SLC16A13: variants seen among roughly 807,000 people sequenced by gnomAD.
SLC16A13 encodes the protein monocarboxylate transporter 13.
SLC16A13 carries 28 observed loss-of-function variants against 28.1 expected under a neutral mutation model. The ratio of observed to expected loss-of-function variants is 1.00; its 90% CI spans 0.74 to 1.37. The LOEUF is 1.37. SLC16A13 is among the 40% of genes most tolerant of loss of function. The pLI is 0.00. For synonymous variants in SLC16A13, 228 were observed against 241.6 expected (o/e 0.94, Z 0.52); for missense variants, 482 against 531.8 (o/e 0.91, Z 0.92).
chr17:7,038,671 C>CAAGTGA lies in SLC16A13; in HGVS notation c.863_864insAAGTGA (p.Thr288_Thr289insSerAsp). The CAAGTGA allele has an allele frequency of 6.2e-7, 1 of 1,614,208 alleles. No homozygotes were observed. Among genetic ancestry groups the CAAGTGA allele is most frequent in the Non-Finnish European group, 8.5e-7 (1 of 1,180,038 alleles). On this transcript the variant is annotated inframe_insertion, in exon 3 of 4. Coordinates refer to ENST00000308027, the MANE Select transcript of SLC16A13 (RefSeq NM_201566.3). This position sits in a 1 kb window ranked among gnomAD's most constrained non-coding sequence, Gnocchi z 5.7. The stretch of plus-strand genomic sequence containing the variant: ...GTGACACGACTCCTGATGCTCTGGA[C>CAAGTGA]CACCTTGACTGGGGTGTCACTAGCC...
chr17:7,039,978 G>A lies in SLC16A13; in HGVS notation c.*16G>A, dbSNP rs373121906. 5.0e-6 allele frequency: 8 copies of A among 1,608,156 alleles called. No homozygotes were observed. Among genetic ancestry groups the A allele is most frequent in the East Asian group, 2.2e-5 (1 of 44,806 alleles). ...AGAGGACTGAACTCCACAGAGTCAG[G>A]CCCAGAAAGCCAAAGCTTGACAGCT... is the stretch of plus-strand genomic sequence containing the variant. On this transcript the variant is annotated 3_prime_UTR_variant, in exon 4 of 4. Coordinates refer to ENST00000308027, the MANE Select transcript of SLC16A13 (RefSeq NM_201566.3). This position sits in a 1 kb window ranked among gnomAD's most constrained non-coding sequence, Gnocchi z 4.3.
Position 7,038,909 on chromosome 17 carries a change from C to T in SLC16A13, c.1081+20C>T, listed in dbSNP as rs1181029126. The T allele has an allele frequency of 6.3e-7, 1 of 1,586,530 alleles. No individual in the cohort carries two copies. The highest frequency in any genetic ancestry group is 2.2e-5 in the East Asian group (1 of 44,760). ...TCTCAGGTAAGTGGAATGGGGTTCC[C>T]AGGGGGTGAGGGCTGCCATGTTGCA... On this transcript the variant is annotated intron_variant, in intron 3 of 3. Coordinates refer to ENST00000308027, the MANE Select transcript of SLC16A13 (RefSeq NM_201566.3). This position sits in a 1 kb window ranked among gnomAD's most constrained non-coding sequence, Gnocchi z 5.7.
chr17:7,038,088 C>T lies in SLC16A13; in HGVS notation c.344-64C>T, dbSNP rs1366075249. On this transcript the variant is annotated intron_variant, in intron 2 of 3. Coordinates refer to ENST00000308027, the MANE Select transcript of SLC16A13 (RefSeq NM_201566.3). The surrounding 1 kb of genome is among the most constrained non-coding windows in gnomAD (Gnocchi z 5.7). ...TGCTACATTCTGCTGCTGGGCAATG[C>T]GGGGATTACTGTGTGCCTTGAGCTC... The T allele has an allele frequency of 5.9e-6, 9 of 1,533,960 alleles. No homozygotes were observed. Among genetic ancestry groups the T allele is most frequent in the African/African-American group, 2.7e-5 (2 of 72,872 alleles).
In SLC16A13 at chr17:7,039,709, T is replaced by G; in HGVS notation, c.1082-54T>G. On this transcript the variant is annotated intron_variant, in intron 3 of 3. Transcript: ENST00000308027. This position sits in a 1 kb window ranked among gnomAD's most constrained non-coding sequence, Gnocchi z 4.3. The stretch of plus-strand genomic sequence containing the variant: ...TCCACCCAAAAATGTATCTGAGCCC[T>G]CAGCCCCAGCAAATAGATCACTCAT... 1 of 1,593,658 alleles carries G rather than the reference T, an allele frequency of 6.3e-7. No homozygotes were observed. Among genetic ancestry groups the G allele is most frequent in the South Asian group, 1.1e-5 (1 of 90,516 alleles).
Position 7,039,792 on chromosome 17 carries a change from A to G in SLC16A13, c.1111A>G (p.Thr371Ala), listed in dbSNP as rs1597345620. ...CCTCCGGGATGTGACAGGCAACTAC[A>G]CGGCTTCTTTTGTGGTGGCTGGGGC... is the stretch of plus-strand genomic sequence containing the variant. ...GYLRDVTGNY[T>A]ASFVVAGAFL... is the part of the protein sequence containing the mutation. The change falls in exon 4 of 4, where the codon ACG becomes GCG. Residue 371 changes from threonine to alanine, a missense_variant. Coordinates refer to ENST00000308027, the MANE Select transcript of SLC16A13 (RefSeq NM_201566.3). The surrounding 1 kb of genome is among the most constrained non-coding windows in gnomAD (Gnocchi z 4.3). The G allele has an allele frequency of 6.2e-7, 1 of 1,614,134 alleles. No homozygotes were observed. The highest frequency in any genetic ancestry group is 1.1e-5 in the South Asian group (1 of 91,084).
At position 7,039,924 on chromosome 17, in the gene SLC16A13, A is replaced by G; in HGVS notation, c.1243A>G (p.Lys415Glu). 2 of 1,614,028 alleles carry G rather than the reference A, an allele frequency of 1.2e-6. No homozygotes were observed. Among genetic ancestry groups the G allele is most frequent in the African/African-American group, 1.3e-5 (1 of 75,020 alleles). The change falls in exon 4 of 4, where the codon AAA (lysine) becomes GAA (glutamate). Residue 415 changes from lysine to glutamate, a missense_variant. Lys to Glu is a moderately conservative substitution (Grantham distance 56). Transcript: ENST00000308027. This position sits in a 1 kb window ranked among gnomAD's most constrained non-coding sequence, Gnocchi z 4.3. Reference sequence around the variant, plus strand: ...CCTTGTAACAGAAGCACTAGATACTAAAGTTCCCCTACCCAAGGAGGGGCT... The same window carrying G: ...CCTTGTAACAGAAGCACTAGATACTGAAGTTCCCCTACCCAAGGAGGGGCT... ...QDLVTEALDT[K>E]VPLPKEGLEE...
At chr17:7,037,074 G>A (rs312457) in intron 2 of SLC16A13, 595,378 of 614,950 alleles carry the variant, frequency 0.97, 289,191 homozygotes, top group South Asian at 1. Flanking sequence ...AAACCTGGCC[G>A]GGCACGGTGG....
rs1910573026 is a variant in SLC16A13, at chr17:7,036,158, T to C, written c.-225T>C. On this transcript the variant is annotated 5_prime_UTR_variant, in exon 1 of 4. Transcript: ENST00000308027. ...TCGCGGAACCACGCCCCCGGGAGAC[T>C]CTGGCCCGGCCAGCGCGGGCCAGGT... 2.0e-6 allele frequency: 1 copy of C among 495,464 alleles called. No homozygotes were observed. 30.7% of individuals were successfully genotyped at this position (495,464 alleles called of 1,614,324 possible). A position where few individuals can be genotyped will look rare whatever the true frequency, so the allele number is the denominator to read the frequency against.
Position 7,036,620 on chromosome 17 carries a change from G to A in SLC16A13, c.199+39G>A, listed in dbSNP as rs763216055. On this transcript the variant is annotated intron_variant, in intron 1 of 3. Transcript: ENST00000308027. ...CTGGATCTGGCGGACTGCGACCCTCGGAAGGGAGAGGGAATGCGGCGACTG... is the reference window on the plus strand; with the variant it reads ...CTGGATCTGGCGGACTGCGACCCTCAGAAGGGAGAGGGAATGCGGCGACTG... 3 of 1,610,992 alleles carry A rather than the reference G, an allele frequency of 1.9e-6. No homozygotes were observed. The African/African-American group carries it at 4.0e-5, about 22-fold the overall frequency.
rs373765808 is a variant in SLC16A13, at chr17:7,038,157, G to A, written c.349G>A (p.Gly117Ser). 27 of 1,611,104 alleles carry A rather than the reference G, an allele frequency of 1.7e-5. No homozygotes were observed. The highest frequency in any genetic ancestry group is 2.3e-5 in the Non-Finnish European group (27 of 1,178,556). The change falls in exon 3 of 4, where the codon GGC becomes AGC. Residue 117 changes from glycine (G) to serine (S), a missense_variant. Physicochemically the swap from Gly to Ser is moderately conservative, Grantham distance 56. Coordinates refer to ENST00000308027, the MANE Select transcript of SLC16A13 (RefSeq NM_201566.3). This position sits in a 1 kb window ranked among gnomAD's most constrained non-coding sequence, Gnocchi z 5.7. ...YLSIGLLSGS[G>S]WALTFAPTLA... ...CACTTCTTCCTTTTTGACAGGCTCT[G>A]GCTGGGCTTTGACCTTCGCTCCGAC...
chr17:7,036,582 G>A lies in SLC16A13; in HGVS notation c.199+1G>A, dbSNP rs774197308. 4 of 1,612,390 alleles carry A rather than the reference G, an allele frequency of 2.5e-6. No homozygotes were observed. In the East Asian group the frequency reaches 6.7e-5, roughly 27 times the overall value. On this transcript the variant is annotated splice_donor_variant, in intron 1 of 3. Coordinates refer to ENST00000308027, the MANE Select transcript of SLC16A13 (RefSeq NM_201566.3). LOFTEE classifies it high-confidence loss of function. The stretch of plus-strand genomic sequence containing the variant: ...GGAATCGCGGTGCAGCAGTTTGGGA[G>A]TGAGTGCGGCGCCTGGATCTGGCGG...
At chr17:7,037,027 C>G (rs1910599218) in intron 2 of SLC16A13, 157 bp downstream of exon 2, 1 of 932,138 alleles carries the variant, frequency 1.1e-6, no homozygotes, top group African/African-American at 1.7e-5. Context: ...ACTAAAGCGA[C>G]AAACATGGTG....
At chr17:7,037,183 CTACAAAAA>C (rs1443208347) in intron 2 of SLC16A13, 1 of 190,732 alleles carries the variant, frequency 5.2e-6, no homozygotes, top group African/African-American at 2.5e-5. Flanking sequence ...AACCCCGTCT[CTACAAAAA>C]TACAAAAATT....
rs1306635257 is a variant in SLC16A13, at chr17:7,036,823, T to C, written c.296T>C (p.Phe99Ser). 4 of 1,613,876 alleles carry C rather than the reference T, an allele frequency of 2.5e-6. No individual in the cohort carries two copies. The highest frequency in any genetic ancestry group is 1.6e-4 in the Middle Eastern group (1 of 6,062). ...LAALGMLLAS[F>S]ATSLTHLYLS... ...GCGCTGGGGATGCTGCTCGCCTCTT[T>C]TGCTACTTCCTTGACCCACCTATAC... The change falls in exon 2 of 4, where the codon TTT (phenylalanine) becomes TCT (serine). Residue 99 changes from phenylalanine to serine, a missense_variant. By Grantham distance (155) the Phe-to-Ser change is radical (BLOSUM62 -2). Coordinates refer to ENST00000308027, the MANE Select transcript of SLC16A13 (RefSeq NM_201566.3).
chr17:7,038,054 C>A lies in SLC16A13; in HGVS notation c.344-98C>A. 1 of 1,418,694 alleles carries A rather than the reference C, an allele frequency of 7.0e-7. No homozygotes were observed. The highest frequency in any genetic ancestry group is 9.5e-7 in the Non-Finnish European group (1 of 1,049,850). The allele number at this position is 1,418,694 out of a possible 1,614,324, so 87.9% of individuals were successfully genotyped here. A position where few individuals can be genotyped will look rare whatever the true frequency, so the allele number is the denominator to read the frequency against. ...ATTGTATCCCAGGTCTGTGGGACTC[C>A]GAAGCAAGTGCTACATTCTGCTGCT... is the stretch of plus-strand genomic sequence containing the variant. On this transcript the variant is annotated intron_variant, in intron 2 of 3. Transcript: ENST00000308027. This position sits in a 1 kb window ranked among gnomAD's most constrained non-coding sequence, Gnocchi z 5.7.
Position 7,036,769 on chromosome 17 carries a change from C to G in SLC16A13, c.242C>G (p.Pro81Arg). ...CTGAGCACGAAGTTCGGGCCCAGGC[C>G]CGTGGTGATGACTGGAGGCATCTTG... ...SALSTKFGPR[P>R]VVMTGGILAA... The change falls in exon 2 of 4, where the codon CCC (proline) becomes CGC (arginine). Residue 81 changes from proline (P) to arginine (R), a missense_variant. Transcript: ENST00000308027. 6.2e-7 allele frequency: 1 copy of G among 1,613,744 alleles called. No individual in the cohort carries two copies. Among genetic ancestry groups the G allele is most frequent in the Non-Finnish European group, 8.5e-7 (1 of 1,180,044 alleles).
chr17:7,038,171 C>A lies in SLC16A13; in HGVS notation c.363C>A (p.Thr121=), dbSNP rs367768046. ...TGACAGGCTCTGGCTGGGCTTTGACCTTCGCTCCGACCCTGGCCTGCCTGT... is the reference window on the plus strand; with the variant it reads ...TGACAGGCTCTGGCTGGGCTTTGACATTCGCTCCGACCCTGGCCTGCCTGT... The part of the protein sequence containing the change: ...GLLSGSGWAL[T]FAPTLACLSC... Residue 121 remains threonine (T), a synonymous_variant, in exon 3 of 4, where the codon ACC becomes ACA. Transcript: ENST00000308027. This position sits in a 1 kb window ranked among gnomAD's most constrained non-coding sequence, Gnocchi z 5.7. The A allele has an allele frequency of 1.9e-6, 3 of 1,613,070 alleles. No individual in the cohort carries two copies. In the African/African-American group the frequency reaches 4.0e-5, roughly 22 times the overall value.
Position 7,036,346 on chromosome 17 carries a change from A to AGAGG in SLC16A13, c.-36_-33dup, listed in dbSNP as rs758244817. The stretch of plus-strand genomic sequence containing the variant: ...GCGGCGTCCAGAACCCGGCTCCTGC[A>AGAGG]GAGGCTCTGGGTGGCAGCAGCCCTG... On this transcript the variant is annotated 5_prime_UTR_variant, in exon 1 of 4. Transcript: ENST00000308027. The AGAGG allele has an allele frequency of 4.5e-6, 7 of 1,570,720 alleles. 2 individuals are homozygous for AGAGG. In the South Asian group the frequency reaches 5.8e-5, roughly 13 times the overall value.
intron 2 of SLC16A13, among the ~76,000 whole-genome samples, chr17:7,037,648 C>T (rs192176454): frequency 2.6e-5 from 4 of 151,834 alleles, no homozygotes; most frequent in Admixed American, 2.6e-4. Flanking sequence ...ATGGTGTGAA[C>T]CCGGGAAGCA....
Sources: gnomAD v4.1 joint callset for allele counts (sites outside exome capture counted in the v4.1 genomes callset) on GRCh38, gnomAD v4.1.1 for gene constraint, Gnocchi (gnomAD v3.1) non-coding constraint, MANE v1.5 for transcripts, NCBI Gene and HGNC (gene_info 2026-07-23, HGNC 2026-07-21) for gene names.